The following GLMN variants were observed in gnomAD, a reference collection of about 807,000 sequenced individuals.
GLMN encodes glomulin, FKBP associated protein.
GLMN carries 75 observed loss-of-function variants against 87.8 expected under a neutral mutation model. The ratio of observed to expected loss-of-function variants is 0.85; its 90% CI spans 0.71 to 1.04. GLMN has a LOEUF of 1.04. Ranked by LOEUF, GLMN falls within the 50% of genes least tolerant of loss-of-function variation. The pLI is 0.00. For missense variants in GLMN, 588 were observed against 658.8 expected (o/e 0.89, Z 1.18); for synonymous variants, 206 against 221.6 (o/e 0.93, Z 0.63).
At chr1:92,337,811 C>T in the GLMN span, among the ~76,000 whole-genome samples, 1 of 152,074 alleles carries the variant, frequency 6.6e-6, no homozygotes, top group African/African-American at 2.4e-5. Context: ...AATTCCCCAA[C>T]AGAAATTTAA....
chr1:92,271,683 C>G (rs760743541), intron 7 of GLMN, 31 bp from the exon 8 acceptor site: 3 of 1,467,488 alleles, frequency 2.0e-6, no homozygotes, highest in Non-Finnish European at 2.9e-6. Flanking sequence ...GAAACCATAG[C>G]ACACAGACTC....
At chr1:92,323,936 G>C in the GLMN span, 38 of 1,614,178 alleles carry the variant, frequency 2.4e-5, no homozygotes, top group Non-Finnish European at 3.1e-5. Flanking sequence ...CATTTTAAGA[G>C]AAAATTTGCC....
At chr1:92,354,430 A>T in the GLMN span, among the ~76,000 whole-genome samples, 6 of 152,228 alleles carry the variant, frequency 3.9e-5, no homozygotes, top group Admixed American at 2.0e-4. Flanking sequence ...TCTGTCACAA[A>T]CAGGAATTAG....
the GLMN span, among the ~76,000 whole-genome samples, chr1:92,367,817 A>G: frequency 6.6e-6 from 1 of 152,208 alleles, no homozygotes; most frequent in African/African-American, 2.4e-5. Context: ...GTGGAGTATG[A>G]GGAGTGTTGT....
chr1:92,310,465 G>A, the GLMN span, among the ~76,000 whole-genome samples: 1 of 152,180 alleles, frequency 6.6e-6, no homozygotes, highest in Admixed American at 6.5e-5. Context: ...TCTTCCTTTA[G>A]GGAGGAAAAA....
intron 3 of GLMN, among the ~76,000 whole-genome samples, chr1:92,294,671 T>C (rs1649814608): frequency 6.6e-6 from 1 of 152,058 alleles, no homozygotes; most frequent in African/African-American, 2.4e-5. Context: ...AATTAAATTG[T>C]AGTCAGTTTT....
At chr1:92,305,432 C>CAAAAAAAA in the GLMN span, among the ~76,000 whole-genome samples, 221 of 52,648 alleles carry the variant, frequency 4.2e-3, 12 homozygotes, top group East Asian at 0.016. Context: ...GGCTCCGTCT[C>CAAAAAAAA]AAAAAAAAAA....
chr1:92,353,337 C>G, the GLMN span, among the ~76,000 whole-genome samples: 8 of 152,156 alleles, frequency 5.3e-5, no homozygotes, highest in Admixed American at 5.2e-4. Context: ...AAAGATTGAA[C>G]TTTACAAATT....
At position 92,298,652 on chromosome 1, in the gene GLMN, C is replaced by T. The variant is rs185178753; in HGVS notation, c.-31+273G>A. Among the ~76,000 whole-genome samples the T allele has an allele frequency of 2.3e-3, 355 of 152,310 alleles. 3 individuals carry two copies. The highest frequency in any genetic ancestry group is 9.3e-3 in the South Asian group (45 of 4,828). ...ACAACGGCGGCCTTCAGGAGGAGAC[C>T]ATCGCTTCTCCTGGCGGCAAGGCTC... is the stretch of plus-strand genomic sequence containing the variant. On this transcript the variant is annotated intron_variant, in intron 1 of 18. Coordinates refer to ENST00000370360, the MANE Select transcript of GLMN (RefSeq NM_053274.3).
chr1:92,342,791 G>A, the GLMN span, among the ~76,000 whole-genome samples: 1 of 152,098 alleles, frequency 6.6e-6, no homozygotes, highest in African/African-American at 2.4e-5. Flanking sequence ...CATAAGATTT[G>A]TGGCCTGAGC....
At chr1:92,258,919 T>C (rs928352895) in intron 16 of GLMN, among the ~76,000 whole-genome samples, 5 of 152,036 alleles carry the variant, frequency 3.3e-5, no homozygotes, top group African/African-American at 1.2e-4. Context: ...AAAACTTAAA[T>C]GAGCACCCAA....
At chr1:92,366,455 A>G in the GLMN span, among the ~76,000 whole-genome samples, 3 of 152,196 alleles carry the variant, frequency 2.0e-5, no homozygotes, top group Non-Finnish European at 4.4e-5. Context: ...GGCCCAGTCC[A>G]TGTTATTTTA....
chr1:92,320,229 C>A, the GLMN span, among the ~76,000 whole-genome samples: 1 of 151,952 alleles, frequency 6.6e-6, no homozygotes, highest in African/African-American at 2.4e-5. Flanking sequence ...AGAGACTAAT[C>A]CAGATTTCTT....
chr1:92,267,873 A>T, intron 11 of GLMN, 40 bp downstream of exon 11: 1 of 962,218 alleles, frequency 1.0e-6, no homozygotes, highest in Non-Finnish European at 1.7e-6. Flanking sequence ...CAGAACAGGC[A>T]AAGGGCTATT....
At chr1:92,253,544 C>T (rs1035472678) in intron 16 of GLMN, among the ~76,000 whole-genome samples, 1 of 152,166 alleles carries the variant, frequency 6.6e-6, no homozygotes, top group Non-Finnish European at 1.5e-5. Context: ...GGCGGGTGCC[C>T]CTCTGGGATG....
chr1:92,356,280 T>C, the GLMN span, among the ~76,000 whole-genome samples: 659 of 152,256 alleles, frequency 4.3e-3, 6 homozygotes, highest in African/African-American at 0.015. Context: ...CCCAGCCTAT[T>C]ATTTATATTT....
chr1:92,288,832 T>G (rs1649075098), intron 6 of GLMN, 82 bp downstream of exon 6: 1 of 799,336 alleles, frequency 1.3e-6, no homozygotes, highest in Non-Finnish European at 2.2e-6. Flanking sequence ...TATTTACATG[T>G]CAAACAAAGT....
chr1:92,331,832 G>T, the GLMN span, among the ~76,000 whole-genome samples: 1 of 151,932 alleles, frequency 6.6e-6, no homozygotes, highest in Non-Finnish European at 1.5e-5. Context: ...AGTTGATAAA[G>T]AATTTTCTCA....
At chr1:92,309,972 A>G in the GLMN span, among the ~76,000 whole-genome samples, 9 of 152,246 alleles carry the variant, frequency 5.9e-5, no homozygotes, top group African/African-American at 1.7e-4. Context: ...AAGAAGAATC[A>G]TAATTAAAAG....
Sources: allele counts gnomAD v4.1 joint callset (sites outside exome capture counted in the v4.1 genomes callset), GRCh38; gene constraint gnomAD v4.1.1; transcripts MANE v1.5; gene names NCBI Gene and HGNC (gene_info 2026-07-23, HGNC 2026-07-21).